Variants in ATF7IP2 observed in about 807,000 individuals in gnomAD.
The protein encoded by ATF7IP2 is activating transcription factor 7-interacting protein 2.
ATF7IP2 carries 42 observed loss-of-function variants against 64.2 expected under a neutral mutation model. The ratio of observed to expected loss-of-function variants is 0.65; its 90% CI spans 0.51 to 0.85. The LOEUF (loss-of-function observed/expected upper bound fraction) is 0.85. Among genes scored for constraint, ATF7IP2 ranks in the 40% least tolerant of loss-of-function variants. The pLI is 0.00. For missense variants in ATF7IP2, 933 were observed against 784.2 expected (o/e 1.19, Z -2.27); for synonymous variants, 308 against 272.8 (o/e 1.13, Z -1.27).
At chr16:10,452,023 G>A (rs1396631115) in intron 8 of ATF7IP2, among the ~76,000 whole-genome samples, 2 of 152,012 alleles carry the variant, frequency 1.3e-5, no homozygotes, top group Non-Finnish European at 2.9e-5. Context: ...CTGCACTCCA[G>A]CCTGGGCGAC....
intron 3 of ATF7IP2, among the ~76,000 whole-genome samples, chr16:10,428,385 C>T (rs1447074661): frequency 6.6e-6 from 1 of 152,124 alleles, no homozygotes; most frequent in African/African-American, 2.4e-5. Flanking sequence ...TTAGAAGGGC[C>T]ATAGTAACAA....
At chr16:10,426,047 G>A (rs2048079759) in intron 3 of ATF7IP2, among the ~76,000 whole-genome samples, 1 of 152,160 alleles carries the variant, frequency 6.6e-6, no homozygotes, top group South Asian at 2.1e-4. Context: ...GCATCTGAGG[G>A]AAAAATGAAA....
chr16:10,432,842 C>CA (rs1268192801), intron 5 of ATF7IP2, among the ~76,000 whole-genome samples: 1 of 151,966 alleles, frequency 6.6e-6, no homozygotes, highest in Non-Finnish European at 1.5e-5. Context: ...CGTGCCACTT[C>CA]ACTCTTGCCT....
chr16:10,481,867 T>C lies in ATF7IP2; in HGVS notation c.1667T>C (p.Leu556Pro), dbSNP rs774294368. The change falls in exon 14 of 14, where the codon CTC becomes CCC. Residue 556 changes from leucine (L) to proline (P), a missense_variant. Transcript: ENST00000562102. ...GAGTCCTTTGAGCACCTGCCACCTC[T>C]CCCAGAACCACCAGCACCACTACCT... ...VPESFEHLPP[L>P]PEPPAPLPEL... The C allele has an allele frequency of 3.7e-6, 6 of 1,603,326 alleles. No homozygotes were observed. The Middle Eastern group carries it at 6.7e-4, about 179-fold the overall frequency.
At chr16:10,457,239 C>A in intron 8 of ATF7IP2, 133 bp from the exon 9 acceptor site, 1 of 699,304 alleles carries the variant, frequency 1.4e-6, no homozygotes, top group Non-Finnish European at 2.3e-6. Flanking sequence ...TGGTCATCAG[C>A]CATCGAAATA....
intron 6 of ATF7IP2, among the ~76,000 whole-genome samples, chr16:10,436,425 C>G (rs1233841020): frequency 1.3e-5 from 2 of 151,704 alleles, no homozygotes; most frequent in Non-Finnish European, 2.9e-5. Context: ...TGAGCACATT[C>G]ATTTGCTCAC....
chr16:10,445,994 A>T (rs1383627344), intron 8 of ATF7IP2: 1 of 152,194 alleles, frequency 6.6e-6, no homozygotes, highest in Non-Finnish European at 1.5e-5. Context: ...AATGCAAACA[A>T]TTCACATGTT....
At chr16:10,412,607 C>G (rs2047794124) in intron 1 of ATF7IP2, among the ~76,000 whole-genome samples, 1 of 151,992 alleles carries the variant, frequency 6.6e-6, no homozygotes, top group African/African-American at 2.4e-5. Flanking sequence ...TATGATCTAC[C>G]TTGGAGAAAG....
At chr16:10,431,598 C>G (rs1197809257) in intron 5 of ATF7IP2, 143 bp downstream of exon 5, 1 of 582,228 alleles carries the variant, frequency 1.7e-6, no homozygotes, top group Non-Finnish European at 2.9e-6. Context: ...TGTTTCTGAA[C>G]CATTCTTAGT....
chr16:10,405,480 A>G (rs1332788906), intron 1 of ATF7IP2, among the ~76,000 whole-genome samples: 1 of 152,144 alleles, frequency 6.6e-6, no homozygotes, highest in Non-Finnish European at 1.5e-5. Flanking sequence ...TAAGCCCCCC[A>G]CCATTTTGCA....
chr16:10,444,849 C>A (rs1304279633), intron 8 of ATF7IP2, among the ~76,000 whole-genome samples: 1 of 152,162 alleles, frequency 6.6e-6, no homozygotes, highest in African/African-American at 2.4e-5. Context: ...TATTTCAAAC[C>A]TGGGTACAAT....
At chr16:10,411,480 C>T (rs2047758853) in intron 1 of ATF7IP2, among the ~76,000 whole-genome samples, 1 of 151,724 alleles carries the variant, frequency 6.6e-6, no homozygotes, top group Non-Finnish European at 1.5e-5. Flanking sequence ...AAGCAGTTCT[C>T]CTGTCTCAGC....
At position 10,425,588 on chromosome 16, in the gene ATF7IP2, A is replaced by G. The variant is rs79673188; in HGVS notation, c.-159-3280A>G. ...TATTTATGTATTACAGGAAACATAA[A>G]TTGATACAAAAATGTTAAAAGTAGG... On this transcript the variant is annotated intron_variant, in intron 3 of 13. Transcript: ENST00000562102. 7.1e-3 allele frequency among the ~76,000 whole-genome samples: 1,079 copies of G among 152,282 alleles called. 16 individuals carry two copies. Among genetic ancestry groups the G allele is most frequent in the African/African-American group, 0.024 (1,004 of 41,542 alleles).
At chr16:10,428,728 A>G (rs2141864593) in intron 3 of ATF7IP2, 140 bp from the exon 4 acceptor site, 1 of 152,300 alleles carries the variant, frequency 6.6e-6, no homozygotes, top group East Asian at 1.9e-4. Flanking sequence ...AAAAATTCCC[A>G]ATTATCTGAT....
intron 2 of ATF7IP2, among the ~76,000 whole-genome samples, chr16:10,416,804 A>G (rs542933977): frequency 9.2e-4 from 140 of 152,348 alleles, no homozygotes; most frequent in Non-Finnish European, 1.7e-3. Context: ...CTCAAAAAAA[A>G]GTAGTTAGAA....
At chr16:10,451,813 C>A (rs770748476) in intron 8 of ATF7IP2, among the ~76,000 whole-genome samples, 1 of 151,990 alleles carries the variant, frequency 6.6e-6, no homozygotes, top group Non-Finnish European at 1.5e-5. Context: ...AATCCCAGCA[C>A]TTTGAGAGGT....
At chr16:10,477,088 A>C (rs2050037885) in intron 12 of ATF7IP2, among the ~76,000 whole-genome samples, 1 of 152,226 alleles carries the variant, frequency 6.6e-6, no homozygotes, top group Admixed American at 6.5e-5. Context: ...CAAAAGCAAA[A>C]ATCTACAAAT....
intron 3 of ATF7IP2, among the ~76,000 whole-genome samples, chr16:10,424,924 T>C (rs2048053429): frequency 1.3e-5 from 2 of 152,190 alleles, no homozygotes; most frequent in Non-Finnish European, 2.9e-5. Flanking sequence ...GGAAACAGTC[T>C]GGTAGTTCCT....
chr16:10,415,550 C>T (rs1011083725), intron 2 of ATF7IP2, among the ~76,000 whole-genome samples: 11 of 152,186 alleles, frequency 7.2e-5, no homozygotes, highest in Admixed American at 3.9e-4. Context: ...CTCTCTAGGA[C>T]ATTGTTCTGG....
Sources: gnomAD v4.1 joint callset for allele counts (sites outside exome capture counted in the v4.1 genomes callset) on GRCh38, gnomAD v4.1.1 for gene constraint, MANE v1.5 for transcripts, NCBI Gene and HGNC (gene_info 2026-07-23, HGNC 2026-07-21) for gene names.